Variants in HYCC2 observed in about 807,000 individuals in gnomAD.
The protein encoded by HYCC2 is hyccin 2.
chr2:201,019,719 C>T, the HYCC2 span, among the ~76,000 whole-genome samples: 2 of 151,036 alleles, frequency 1.3e-5, no homozygotes, highest in African/African-American at 2.4e-5. Flanking sequence ...TTCAAGTCAC[C>T]GCACTCCAGC....
At chr2:201,017,275 T>A in the HYCC2 span, 1 of 828,884 alleles carries the variant, frequency 1.2e-6, no homozygotes, top group Non-Finnish European at 1.8e-6. Flanking sequence ...TTAAAAGTCT[T>A]AATATTAATT....
chr2:201,042,291 G>T, the HYCC2 span, among the ~76,000 whole-genome samples: 1 of 152,178 alleles, frequency 6.6e-6, no homozygotes, highest in Admixed American at 6.5e-5. Flanking sequence ...GCAGTGGCGT[G>T]ATCTCGGATC....
chr2:200,989,485 A>T, the HYCC2 span, among the ~76,000 whole-genome samples: 7 of 152,198 alleles, frequency 4.6e-5, no homozygotes, highest in Non-Finnish European at 8.8e-5. Context: ...TATTTAGCTT[A>T]AAGTATTTTA....
chr2:201,024,066 G>C, the HYCC2 span: 1 of 1,303,108 alleles, frequency 7.7e-7, no homozygotes, highest in Non-Finnish European at 1.1e-6. Context: ...TTGAAGCTGA[G>C]GACAGTAGTA....
the HYCC2 span, among the ~76,000 whole-genome samples, chr2:201,025,319 C>G: frequency 6.6e-6 from 1 of 152,030 alleles, no homozygotes; most frequent in East Asian, 1.9e-4. Flanking sequence ...ATCAACTATA[C>G]GGCAACCATT....
chr2:201,024,507 A>C, the HYCC2 span, among the ~76,000 whole-genome samples: 3 of 151,460 alleles, frequency 2.0e-5, no homozygotes, highest in Non-Finnish European at 4.4e-5. Context: ...AATAAAAATA[A>C]GTTTTATGTT....
At chr2:200,989,660 G>A in the HYCC2 span, among the ~76,000 whole-genome samples, 1 of 151,700 alleles carries the variant, frequency 6.6e-6, no homozygotes, top group South Asian at 2.1e-4. Context: ...AAAAAAATAC[G>A]AAAATTTGCT....
At chr2:200,991,787 G>A in the HYCC2 span, among the ~76,000 whole-genome samples, 1 of 151,898 alleles carries the variant, frequency 6.6e-6, no homozygotes, top group South Asian at 2.1e-4. Context: ...TAGGCTGGGT[G>A]TGGTGTCACA....
the HYCC2 span, among the ~76,000 whole-genome samples, chr2:201,002,315 T>G: frequency 1.3e-5 from 2 of 148,272 alleles, no homozygotes; most frequent in Non-Finnish European, 3.0e-5. Context: ...GACATGAATA[T>G]GCAGTTCATA....
chr2:201,066,594 T>C, the HYCC2 span: 1 of 152,230 alleles, frequency 6.6e-6, no homozygotes, highest in Admixed American at 6.5e-5. Context: ...ATCCATTTTA[T>C]ATATAATATG....
the HYCC2 span, chr2:200,975,205 T>C: frequency 2.6e-5 from 4 of 152,016 alleles, no homozygotes; most frequent in Admixed American, 2.6e-4. Context: ...GTAAACCTAT[T>C]TTCCAGGTCA....
At chr2:200,986,895 A>G in the HYCC2 span, among the ~76,000 whole-genome samples, 8 of 152,172 alleles carry the variant, frequency 5.3e-5, no homozygotes, top group African/African-American at 1.9e-4. Flanking sequence ...AGCTGGCTCC[A>G]CTTCAATGTC....
chr2:200,982,000 TCCC>T, the HYCC2 span: 1 of 898,502 alleles, frequency 1.1e-6, no homozygotes, highest in African/African-American at 1.7e-5. This position sits in a 1 kb window ranked among gnomAD's most constrained non-coding sequence, Gnocchi z 4.5. Context: ...TATCAACACT[TCCC>T]CTAAATAATT....
At chr2:201,063,013 T>C in the HYCC2 span, 10 of 1,530,076 alleles carry the variant, frequency 6.5e-6, no homozygotes, top group African/African-American at 2.8e-5. Flanking sequence ...TCAAGTACTA[T>C]AATAAAAATC....
At chr2:201,045,815 A>G in the HYCC2 span, among the ~76,000 whole-genome samples, 4 of 152,304 alleles carry the variant, frequency 2.6e-5, no homozygotes, top group South Asian at 8.3e-4. Context: ...TTTAATTTCA[A>G]ATTTGCCATT....
the HYCC2 span, among the ~76,000 whole-genome samples, chr2:201,028,515 A>G: frequency 6.6e-6 from 1 of 152,184 alleles, no homozygotes; most frequent in Non-Finnish European, 1.5e-5. Flanking sequence ...AGACAATCCT[A>G]AGCCAAAAGA....
chr2:201,040,941 A>G, the HYCC2 span, among the ~76,000 whole-genome samples: 4,328 of 152,258 alleles, frequency 0.028, 216 homozygotes, highest in African/African-American at 0.099. Flanking sequence ...TCACATTTTG[A>G]TCACAAACCC....
the HYCC2 span, among the ~76,000 whole-genome samples, chr2:201,056,180 C>T: frequency 6.6e-6 from 1 of 150,726 alleles, no homozygotes; most frequent in Non-Finnish European, 1.5e-5. Context: ...GGCAAGAGTG[C>T]GAGACTCCGT....
At chr2:201,004,774 T>C in the HYCC2 span, among the ~76,000 whole-genome samples, 2 of 152,094 alleles carry the variant, frequency 1.3e-5, no homozygotes, top group African/African-American at 2.4e-5. Context: ...CCTCGGCACT[T>C]TGGGAGGCCG....
Sources: gnomAD v4.1 joint callset for allele counts (sites outside exome capture counted in the v4.1 genomes callset) on GRCh38, gnomAD v4.1.1 for gene constraint, Gnocchi (gnomAD v3.1) non-coding constraint, MANE v1.5 for transcripts, NCBI Gene and HGNC (gene_info 2026-07-23, HGNC 2026-07-21) for gene names.